MCC: variants seen among roughly 807,000 people sequenced by gnomAD.
MCC encodes colorectal mutant cancer protein.
In MCC, 90 loss-of-function variants were observed where a neutral mutation model predicts 116.2. The observed-to-expected ratio is 0.77, with a 90% CI of 0.65 to 0.92. The LOEUF is 0.92. MCC is among the 40% of genes least tolerant of loss of function. MCC has a pLI of 0.00. For missense variants in MCC, 1,516 were observed against 1,312.2 expected, an observed-to-expected ratio of 1.16 and a Z score of -2.40; for synonymous variants, 578 against 510.5, an observed-to-expected ratio of 1.13 and a Z score of -1.78.
rs147246385 is a variant in MCC at position 113,038,345 on chromosome 5, T to A, written c.2756+5185A>T. ...TGAGAGTTGGAGTCATGTACTTGGC[T>A]GAGTAAACCACAATCCCTGGCCCTA... On this transcript the variant is annotated intron_variant, in intron 17 of 18. Transcript: ENST00000408903. 2.2e-3 allele frequency among the ~76,000 whole-genome samples: 329 copies of A among 152,216 alleles called. 1 individual carries two copies. Among genetic ancestry groups the A allele is most frequent in the African/African-American group, 7.1e-3 (293 of 41,508 alleles).
intron 3 of MCC, among the ~76,000 whole-genome samples, chr5:113,217,146 C>T (rs1452722137): frequency 6.6e-6 from 1 of 152,174 alleles, no homozygotes; most frequent in Non-Finnish European, 1.5e-5. Flanking sequence ...TGAAAACAAG[C>T]AGCTAGGTCT....
At chr5:113,111,527 T>C (rs1009991571) in intron 6 of MCC, among the ~76,000 whole-genome samples, 1 of 152,178 alleles carries the variant, frequency 6.6e-6, no homozygotes, top group Non-Finnish European at 1.5e-5. Context: ...GTTAAATAAT[T>C]ATCTCCCTTA....
chr5:113,113,619 G>A (rs1757223864), intron 6 of MCC, among the ~76,000 whole-genome samples: 1 of 129,918 alleles, frequency 7.7e-6, no homozygotes, highest in Non-Finnish European at 1.6e-5. Context: ...CTGCAACATG[G>A]TAATGAGGAC....
intron 1 of MCC, among the ~76,000 whole-genome samples, chr5:113,389,045 A>T (rs10041899): frequency 0.44 from 66,977 of 152,078 alleles, 16,228 homozygotes; most frequent in African/African-American, 0.64. Flanking sequence ...GAAAATTACA[A>T]TCATCTATAC....
intron 17 of MCC, among the ~76,000 whole-genome samples, chr5:113,041,727 G>A (rs1751716805): frequency 6.6e-6 from 1 of 152,230 alleles, no homozygotes; most frequent in South Asian, 2.1e-4. Flanking sequence ...GGGTGCAGTG[G>A]CTCATGCCTG....
chr5:113,218,492 A>C (rs1295208262), intron 3 of MCC, among the ~76,000 whole-genome samples: 1 of 152,198 alleles, frequency 6.6e-6, no homozygotes, highest in African/African-American at 2.4e-5. Context: ...TAATCAGTTA[A>C]GTGTATTAGG....
intron 13 of MCC, among the ~76,000 whole-genome samples, chr5:113,064,745 A>C (rs1753470050): frequency 6.6e-6 from 1 of 152,152 alleles, no homozygotes; most frequent in Non-Finnish European, 1.5e-5. Flanking sequence ...CGTGAACTCA[A>C]ATGCCTCCAG....
chr5:113,034,749 C>T (rs191933492), intron 17 of MCC, among the ~76,000 whole-genome samples: 4 of 152,310 alleles, frequency 2.6e-5, no homozygotes, highest in Admixed American at 2.6e-4. Context: ...GATCACTGAG[C>T]TCACCAGTGA....
intron 5 of MCC, among the ~76,000 whole-genome samples, chr5:113,136,639 TTC>T (rs1758844182): frequency 6.6e-6 from 1 of 152,204 alleles, no homozygotes; most frequent in Non-Finnish European, 1.5e-5. Context: ...ACTTATTTGA[TTC>T]TCTGATTGTT....
chr5:113,037,622 A>T (rs1207267783), intron 17 of MCC, among the ~76,000 whole-genome samples: 1 of 152,106 alleles, frequency 6.6e-6, no homozygotes, highest in African/African-American at 2.4e-5. Context: ...GAGCCTGGGG[A>T]GGTTGAGTCT....
chr5:113,184,792 G>C (rs1761814963), intron 3 of MCC, among the ~76,000 whole-genome samples: 1 of 152,116 alleles, frequency 6.6e-6, no homozygotes, highest in African/African-American at 2.4e-5. Flanking sequence ...ACTGATGGAG[G>C]TATGTTAGAA....
At chr5:113,356,471 C>G (rs1206290517) in intron 2 of MCC, among the ~76,000 whole-genome samples, 4 of 149,878 alleles carry the variant, frequency 2.7e-5, no homozygotes, top group African/African-American at 9.8e-5. Context: ...GGTAGCAGAC[C>G]ACAAATTCTA....
At chr5:113,058,389 A>G (rs1192212507) in intron 14 of MCC, among the ~76,000 whole-genome samples, 1 of 152,176 alleles carries the variant, frequency 6.6e-6, no homozygotes, top group Non-Finnish European at 1.5e-5. Context: ...TTAGAAATGC[A>G]CATTCCGGGG....
At position 113,085,062 on chromosome 5, in the gene MCC, T is replaced by G; in HGVS notation, c.1545+102A>C. ...AGGTCCCAGGGGAAGCCCCTTGTGCTGTCTCAGCTAAGGGCATGCCTGTAC... is the reference window on the plus strand; with the variant it reads ...AGGTCCCAGGGGAAGCCCCTTGTGCGGTCTCAGCTAAGGGCATGCCTGTAC... On this transcript the variant is annotated intron_variant, in intron 9 of 18. Coordinates refer to ENST00000408903, the MANE Select transcript of MCC (RefSeq NM_001085377.2). 4.6e-6 allele frequency: 7 copies of G among 1,510,256 alleles called. No individual in the cohort carries two copies. The South Asian group carries it at 8.0e-5, about 17-fold the overall frequency. 93.6% of individuals were successfully genotyped at this position (1,510,256 alleles called of 1,614,324 possible).
At chr5:113,295,650 C>T (rs539054770) in intron 3 of MCC, among the ~76,000 whole-genome samples, 2 of 152,232 alleles carry the variant, frequency 1.3e-5, no homozygotes, top group South Asian at 4.2e-4. Context: ...CCCAGTACAC[C>T]CCTGGGATCT....
At chr5:113,070,868 T>C (rs978505411) in intron 12 of MCC, among the ~76,000 whole-genome samples, 1 of 152,208 alleles carries the variant, frequency 6.6e-6, no homozygotes, top group East Asian at 1.9e-4. Context: ...TGAGTGATAG[T>C]ACCTAAATGA....
intron 1 of MCC, among the ~76,000 whole-genome samples, chr5:113,408,884 A>T (rs552841805): frequency 1.3e-5 from 2 of 152,298 alleles, no homozygotes; most frequent in East Asian, 3.9e-4. Context: ...GCCTGTCCCT[A>T]CCATGTTTGT....
chr5:113,091,993 C>G (rs1469663600), intron 8 of MCC, among the ~76,000 whole-genome samples: 2 of 152,176 alleles, frequency 1.3e-5, no homozygotes, highest in Non-Finnish European at 2.9e-5. Context: ...GTTTCATTCA[C>G]TACTGCATTG....
intron 3 of MCC, among the ~76,000 whole-genome samples, chr5:113,193,790 C>T (rs914458339): frequency 1.3e-5 from 2 of 152,194 alleles, no homozygotes; most frequent in African/African-American, 4.8e-5. Flanking sequence ...AATTTGTACA[C>T]CTAAGTCTAT....
Sources: gnomAD v4.1 joint callset for allele counts (sites outside exome capture counted in the v4.1 genomes callset) on GRCh38, gnomAD v4.1.1 for gene constraint, MANE v1.5 for transcripts, NCBI Gene and HGNC (gene_info 2026-07-23, HGNC 2026-07-21) for gene names.